CTBS: variants seen among roughly 807,000 people sequenced by gnomAD.
CTBS encodes chitobiase.
CTBS carries 35 observed loss-of-function variants against 44.3 expected under a neutral mutation model. The observed-to-expected ratio is 0.79, with a 90% CI of 0.60 to 1.05. The LOEUF (loss-of-function observed/expected upper bound fraction) is 1.05. CTBS is among the 50% of genes least tolerant of loss of function. The pLI, the probability that CTBS is intolerant of heterozygous loss-of-function variation, is 0.00. For missense variants in CTBS, 458 were observed against 475.3 expected (o/e 0.96, Z 0.34); for synonymous variants, 143 against 168.0 (o/e 0.85, Z 1.15).
chr1:84,550,677 GA>G lies in CTBS; in HGVS notation c.*4321del, dbSNP rs934291005. The G allele has an allele frequency of 2.2e-3, 2,482 of 1,105,792 alleles. No individual in the cohort carries two copies. Among genetic ancestry groups the G allele is most frequent in the East Asian group, 5.8e-3 (151 of 25,986 alleles). The allele number at this position is 1,105,792 out of a possible 1,614,324, so 68.5% of individuals were successfully genotyped here. On this transcript the variant is annotated 3_prime_UTR_variant, in exon 7 of 7. Coordinates refer to ENST00000370630, the MANE Select transcript of CTBS (RefSeq NM_004388.3). ...TACCTTAACAGTAAAGAGCATAGGT[GA>G]AAAAAAAAATGCAGGAAGAAAAACT...
At chr1:84,571,195 G>A (rs1185277597) in intron 1 of CTBS, among the ~76,000 whole-genome samples, 1 of 152,134 alleles carries the variant, frequency 6.6e-6, no homozygotes, top group Non-Finnish European at 1.5e-5. Context: ...AGTGGGAAAA[G>A]GATTAAAGAG....
chr1:84,558,358 C>A (rs944445038), intron 6 of CTBS, among the ~76,000 whole-genome samples: 1 of 150,268 alleles, frequency 6.7e-6, no homozygotes, highest in East Asian at 2.0e-4. Flanking sequence ...GGCGGGATCT[C>A]GGCTCACTGC....
rs533084639 is a variant in CTBS, at chr1:84,560,677, G to C, written c.957+2580C>G. On this transcript the variant is annotated intron_variant, in intron 6 of 6. Transcript: ENST00000370630. ...ACCTGGCTTTAAAGCTCAAAGTACA[G>C]GCTGATTCTCTTGTTAGGGACTAAT... 1.1e-3 allele frequency among the ~76,000 whole-genome samples: 165 copies of C among 152,292 alleles called. 1 individual carries two copies. Among genetic ancestry groups the C allele is most frequent in the African/African-American group, 3.7e-3 (155 of 41,554 alleles).
At chr1:84,574,031 C>G (rs1159023029) in intron 1 of CTBS, 1 of 1,418,134 alleles carries the variant, frequency 7.1e-7, no homozygotes, top group Non-Finnish European at 9.2e-7. Context: ...CAGGCACTTA[C>G]AGGCTGTGAG....
In CTBS at chr1:84,563,541, A is replaced by G. The variant is rs549310518; in HGVS notation, c.796-123T>C. ...CCATAGAAAACCTGACTATACAGAA[A>G]AAAGGTTAAAATAAATTTCATTATT... On this transcript the variant is annotated intron_variant, in intron 5 of 6. Coordinates refer to ENST00000370630, the MANE Select transcript of CTBS (RefSeq NM_004388.3). The G allele has an allele frequency of 2.4e-4, 176 of 733,902 alleles. No homozygotes were observed. The African/African-American group carries it at 3.1e-3, about 13-fold the overall frequency. 45.5% of individuals were successfully genotyped at this position (733,902 alleles called of 1,614,324 possible).
Position 84,550,941 on chromosome 1 carries a change from A to G in CTBS, c.*4058T>C. ...TTCTGGTTATTTTCATATGTATTCT[A>G]TTATTTAAATATGAATAATGTGTCT... On this transcript the variant is annotated 3_prime_UTR_variant, in exon 7 of 7. Transcript: ENST00000370630. 2.0e-6 allele frequency: 2 copies of G among 978,856 alleles called. No homozygotes were observed. Among genetic ancestry groups the G allele is most frequent in the Non-Finnish European group, 1.2e-6 (1 of 824,082 alleles). 60.6% of individuals were successfully genotyped at this position (978,856 alleles called of 1,614,324 possible).
At chr1:84,571,161 T>C (rs1049805736) in intron 1 of CTBS, among the ~76,000 whole-genome samples, 5 of 152,164 alleles carry the variant, frequency 3.3e-5, no homozygotes, top group Non-Finnish European at 7.3e-5. Context: ...AAGGTATGCA[T>C]TTTAGAAAAA....
At chr1:84,561,760 G>T (rs1223624647) in intron 6 of CTBS, among the ~76,000 whole-genome samples, 1 of 152,166 alleles carries the variant, frequency 6.6e-6, no homozygotes, top group Non-Finnish European at 1.5e-5. Context: ...CAGCAAGCAG[G>T]TTATAACTTG....
chr1:84,563,760 T>TCATAAC lies in CTBS; in HGVS notation c.764_769dup (p.Gly255_Tyr256dup), dbSNP rs1684637350. On this transcript the variant is annotated inframe_insertion, in exon 5 of 7. Coordinates refer to ENST00000370630, the MANE Select transcript of CTBS (RefSeq NM_004388.3). Reference sequence around the variant, plus strand: ...CTCAGACAGATTCAGGCAGGTATAATCATAACCATACCAAGGAACACCCAT... The same window carrying TCATAAC: ...CTCAGACAGATTCAGGCAGGTATAATCATAACCATAACCATACCAAGGAACACCCAT... 6.2e-7 allele frequency: 1 copy of TCATAAC among 1,606,690 alleles called. No individual in the cohort carries two copies. Among genetic ancestry groups the TCATAAC allele is most frequent in the East Asian group, 2.2e-5 (1 of 44,500 alleles).
Position 84,550,748 on chromosome 1 carries a change from T to A in CTBS, c.*4251A>T. On this transcript the variant is annotated 3_prime_UTR_variant, in exon 7 of 7. Transcript: ENST00000370630. ...TGATATAATAAAGCCAAAGTAAAAT[T>A]TAGTAAAATTTTACTAGGAAGAATT... 5 of 1,095,280 alleles carry A rather than the reference T, an allele frequency of 4.6e-6. No individual in the cohort carries two copies. Among genetic ancestry groups the A allele is most frequent in the Non-Finnish European group, 3.3e-6 (3 of 897,198 alleles). The allele number at this position is 1,095,280 out of a possible 1,614,324, so 67.8% of individuals were successfully genotyped here. A position where few individuals can be genotyped will look rare whatever the true frequency, so the allele number is the denominator to read the frequency against.
At position 84,552,957 on chromosome 1, in the gene CTBS, C is replaced by G; in HGVS notation, c.*2042G>C. ...AGACAGTTAAAGCGGTTACAAAAAC[C>G]CTGTTTACATGACAACTATGATGTA... On this transcript the variant is annotated 3_prime_UTR_variant, in exon 7 of 7. Transcript: ENST00000370630. 3 of 952,650 alleles carry G rather than the reference C, an allele frequency of 3.1e-6. No homozygotes were observed. The East Asian group carries it at 8.6e-5, about 27-fold the overall frequency. The allele number at this position is 952,650 out of a possible 1,614,324, so 59.0% of individuals were successfully genotyped here.
At chr1:84,563,510 C>T in intron 5 of CTBS, 92 bp from the exon 6 acceptor site, 2 of 954,168 alleles carry the variant, frequency 2.1e-6, no homozygotes, top group East Asian at 3.2e-5. Flanking sequence ...AGAAATAAAA[C>T]ATATACCATA....
At chr1:84,556,430 G>C (rs1684430235) in intron 6 of CTBS, among the ~76,000 whole-genome samples, 3 of 151,926 alleles carry the variant, frequency 2.0e-5, no homozygotes, top group Admixed American at 2.0e-4. Flanking sequence ...GACCACTTTG[G>C]GGCCGGGCAC....
In CTBS at chr1:84,554,917, TAGCA is replaced by T; in HGVS notation, c.*78_*81del. ...TTAGTATACGGATAACAAAAGTATA[TAGCA>T]ACATAATAAAAATGCAAGAAACTAG... is the stretch of plus-strand genomic sequence containing the variant. On this transcript the variant is annotated 3_prime_UTR_variant, in exon 7 of 7. Transcript: ENST00000370630. 1.8e-6 allele frequency: 2 copies of T among 1,086,016 alleles called. No individual in the cohort carries two copies. The highest frequency in any genetic ancestry group is 2.7e-6 in the Non-Finnish European group (2 of 740,960). The allele number at this position is 1,086,016 out of a possible 1,614,324, so 67.3% of individuals were successfully genotyped here. A position where few individuals can be genotyped will look rare whatever the true frequency, so the allele number is the denominator to read the frequency against.
chr1:84,558,899 T>TA (rs1298637055), intron 6 of CTBS, among the ~76,000 whole-genome samples: 2 of 150,376 alleles, frequency 1.3e-5, no homozygotes, highest in African/African-American at 4.9e-5. Context: ...AAACCTCGTC[T>TA]AAAAAAAAAG....
At chr1:84,570,812 A>C in intron 1 of CTBS, 92 bp from the exon 2 acceptor site, 3 of 1,234,722 alleles carry the variant, frequency 2.4e-6, no homozygotes, top group Non-Finnish European at 3.4e-6. Flanking sequence ...CATACACCAA[A>C]CACTATGGTG....
At chr1:84,563,678 G>T (rs886840234) in intron 5 of CTBS, 57 bp downstream of exon 5, 6 of 1,023,746 alleles carry the variant, frequency 5.9e-6, no homozygotes, top group Middle Eastern at 3.3e-4. Flanking sequence ...TGAAAACAGA[G>T]AGACTCTAAA....
In CTBS at chr1:84,570,635, T is replaced by G; in HGVS notation, c.263A>C (p.Asp88Ala). 6.2e-7 allele frequency: 1 copy of G among 1,613,982 alleles called. No homozygotes were observed. The change falls in exon 2 of 7, where the codon GAC (aspartate) becomes GCC (alanine). Residue 88 changes from aspartate to alanine, a missense_variant. Coordinates refer to ENST00000370630, the MANE Select transcript of CTBS (RefSeq NM_004388.3). ...ITTVATFGKY[D>A]SELMCYAHSK... ...ATGAGCGTAGCACATAAGTTCTGAG[T>G]CATATTTTCCAAATGTTGCCACAGT...
Position 84,550,487 on chromosome 1 carries a change from G to T in CTBS, c.*4512C>A. 1 of 1,568,962 alleles carries T rather than the reference G, an allele frequency of 6.4e-7. No homozygotes were observed. The highest frequency in any genetic ancestry group is 8.6e-7 in the Non-Finnish European group (1 of 1,156,418). ...CAGCATGCAATTGACCAGCTTAAGA[G>T]AAAACTAGATACTGACAAAATGAAA... On this transcript the variant is annotated 3_prime_UTR_variant, in exon 7 of 7. Coordinates refer to ENST00000370630, the MANE Select transcript of CTBS (RefSeq NM_004388.3).
Sources: gnomAD v4.1 joint callset for allele counts (sites outside exome capture counted in the v4.1 genomes callset) on GRCh38, gnomAD v4.1.1 for gene constraint, MANE v1.5 for transcripts, NCBI Gene and HGNC (gene_info 2026-07-23, HGNC 2026-07-21) for gene names.